Variants in SPECC1 observed in about 807,000 individuals in gnomAD.
SPECC1 encodes the protein sperm antigen with calponin homology and coiled-coil domains 1.
Under a neutral mutation model 104.1 loss-of-function variants are expected in SPECC1, and 62 were observed. The ratio of observed to expected loss-of-function variants is 0.60; its 90% CI spans 0.49 to 0.74. The LOEUF is 0.74. Ranked by LOEUF, SPECC1 falls within the 30% of genes least tolerant of loss-of-function variation. The pLI, the probability that SPECC1 is intolerant of heterozygous loss-of-function variation, is 0.00. For synonymous variants in SPECC1, 513 were observed against 501.6 expected (o/e 1.02, Z -0.30); for missense variants, 1,306 against 1,310.5 (o/e 1.00, Z 0.05).
intron 3 of SPECC1, among the ~76,000 whole-genome samples, chr17:20,173,272 A>G (rs2034221636): frequency 6.6e-6 from 1 of 152,200 alleles, no homozygotes; most frequent in South Asian, 2.1e-4. Flanking sequence ...GTTTTATTTC[A>G]CGTTTAGGTG....
chr17:20,128,142 A>C (rs1267356947), intron 3 of SPECC1, among the ~76,000 whole-genome samples: 2 of 152,216 alleles, frequency 1.3e-5, no homozygotes, highest in African/African-American at 2.4e-5. Context: ...AGATGCTTGT[A>C]CATTAGTGGA....
intron 3 of SPECC1, among the ~76,000 whole-genome samples, chr17:20,192,491 A>G (rs1597930504): frequency 6.6e-6 from 1 of 151,956 alleles, no homozygotes; most frequent in Middle Eastern, 3.4e-3. Flanking sequence ...TCATAATATC[A>G]CTGTTTTTAG....
In SPECC1 at chr17:20,110,456, C is replaced by T. The variant is rs767316977; in HGVS notation, c.177C>T (p.Leu59=). The T allele has an allele frequency of 1.2e-6, 2 of 1,613,734 alleles. No individual in the cohort carries two copies. Among genetic ancestry groups the T allele is most frequent in the Middle Eastern group, 1.6e-4 (1 of 6,080 alleles). The change falls in exon 3 of 15, where the codon CTC becomes CTT. Residue 59 remains leucine, a synonymous_variant. Coordinates refer to ENST00000395527, the MANE Select transcript of SPECC1 (RefSeq NM_001243439.2). The part of the protein sequence containing the change: ...RLKRASSEDT[L]NKPGSTAASG... ...AGAGGGCCAGCAGTGAGGACACGCT[C>T]AACAAGCCAGGAAGTACCGCTGCAT...
At chr17:20,208,190 T>C (rs2036908275) in intron 4 of SPECC1, among the ~76,000 whole-genome samples, 1 of 152,232 alleles carries the variant, frequency 6.6e-6, no homozygotes, top group African/African-American at 2.4e-5. Context: ...TAACTAGAAG[T>C]ATCAAATACT....
At chr17:20,189,372 C>T (rs942836553) in intron 3 of SPECC1, among the ~76,000 whole-genome samples, 13 of 152,174 alleles carry the variant, frequency 8.5e-5, no homozygotes, top group African/African-American at 1.4e-4. Context: ...TGGGACGAAG[C>T]GCTCCTCCAG....
chr17:20,205,153 G>T lies in SPECC1; in HGVS notation c.1104G>T (p.Leu368Phe). ...AGSSPNSVSELSLASLTEKIQ... is the reference protein window; with the variant it reads ...AGSSPNSVSEFSLASLTEKIQ... ...GTTCCCCAAACAGCGTAAGTGAATT[G>T]TCCCTGGCTTCCCTCACAGAGAAGA... The change falls in exon 4 of 15, where the codon TTG (leucine) becomes TTT (phenylalanine). Residue 368 changes from leucine (L) to phenylalanine (F), a missense_variant. Physicochemically the swap from Leu to Phe is conservative, Grantham distance 22. Transcript: ENST00000395527. 1 of 1,614,076 alleles carries T rather than the reference G, an allele frequency of 6.2e-7. No homozygotes were observed. Among genetic ancestry groups the T allele is most frequent in the Non-Finnish European group, 8.5e-7 (1 of 1,180,002 alleles).
At chr17:20,151,235 G>C (rs2031977395) in intron 3 of SPECC1, among the ~76,000 whole-genome samples, 1 of 152,084 alleles carries the variant, frequency 6.6e-6, no homozygotes, top group Non-Finnish European at 1.5e-5. Context: ...TTCAAATTTT[G>C]AATTTTGATC....
At chr17:20,184,346 CAAACGAAAGGCT>C (rs2035120003) in intron 3 of SPECC1, among the ~76,000 whole-genome samples, 1 of 152,072 alleles carries the variant, frequency 6.6e-6, no homozygotes, top group African/African-American at 2.4e-5. Context: ...GCTGTGATCC[CAAACGAAAGGCT>C]AAGCATGTTT....
intron 2 of SPECC1, among the ~76,000 whole-genome samples, chr17:20,109,438 G>T (rs1272585156): frequency 6.6e-6 from 1 of 152,232 alleles, no homozygotes; most frequent in African/African-American, 2.4e-5. Context: ...GAATTCAGTT[G>T]TGGTTTTTCT....
intron 13 of SPECC1, among the ~76,000 whole-genome samples, chr17:20,302,877 C>CT (rs2041634840): frequency 1.8e-5 from 1 of 55,720 alleles, no homozygotes. Context: ...GTGAGCCCAT[C>CT]TAAAAAAAAA....
intron 4 of SPECC1, among the ~76,000 whole-genome samples, chr17:20,221,349 G>C (rs2151431404): frequency 6.6e-6 from 1 of 152,234 alleles, no homozygotes; most frequent in African/African-American, 2.4e-5. Context: ...CTTGTTACCG[G>C]TCTGTTCAGG....
intron 14 of SPECC1, among the ~76,000 whole-genome samples, chr17:20,308,493 A>G (rs904578254): frequency 6.6e-6 from 1 of 152,162 alleles, no homozygotes; most frequent in Non-Finnish European, 1.5e-5. Context: ...ACCACCATGA[A>G]CAGTGCTATG....
chr17:20,012,305 TA>T (rs1465734643), intron 1 of SPECC1, among the ~76,000 whole-genome samples: 2 of 152,122 alleles, frequency 1.3e-5, no homozygotes, highest in Non-Finnish European at 2.9e-5. Context: ...ATCCTTAACT[TA>T]TTTTTTTTCT....
chr17:20,058,084 C>T (rs746969840), intron 1 of SPECC1, among the ~76,000 whole-genome samples: 1 of 152,028 alleles, frequency 6.6e-6, no homozygotes, highest in South Asian at 2.1e-4. Flanking sequence ...TCAGGCTGTT[C>T]CAGATAATGA....
chr17:20,281,979 G>A (rs1209378215), intron 12 of SPECC1, among the ~76,000 whole-genome samples: 1 of 152,238 alleles, frequency 6.6e-6, no homozygotes, highest in Non-Finnish European at 1.5e-5. Flanking sequence ...GGCTTCGCCT[G>A]CGTTCGGGTG....
chr17:20,085,484 A>T (rs1032066389), intron 1 of SPECC1, among the ~76,000 whole-genome samples: 1 of 152,198 alleles, frequency 6.6e-6, no homozygotes, highest in African/African-American at 2.4e-5. Flanking sequence ...TGACAAGGTA[A>T]TCCCAGGAGC....
At position 20,009,687 on chromosome 17, in the gene SPECC1, G is replaced by A. The variant is rs1054056193; in HGVS notation, c.-22+263G>A. On this transcript the variant is annotated intron_variant, in intron 1 of 14. Transcript: ENST00000395527. The surrounding 1 kb of genome is among the most constrained non-coding windows in gnomAD (Gnocchi z 5.2). ...TGGGACCGGTGCCGCAGGTGGCAGC[G>A]GCAGGTGGCCGCCTCCTCCCCTCCG... 1.3e-5 allele frequency among the ~76,000 whole-genome samples: 2 copies of A among 152,100 alleles called. No homozygotes were observed. The highest frequency in any genetic ancestry group is 2.9e-5 in the Non-Finnish European group (2 of 67,974).
chr17:20,073,588 G>T (rs1395715979), intron 1 of SPECC1: 2 of 152,146 alleles, frequency 1.3e-5, no homozygotes, highest in Non-Finnish European at 2.9e-5. Flanking sequence ...TCTCTGCCCG[G>T]CCCCCTCCGA....
At chr17:20,281,034 C>G (rs1267376602) in intron 12 of SPECC1, among the ~76,000 whole-genome samples, 1 of 152,114 alleles carries the variant, frequency 6.6e-6, no homozygotes, top group Non-Finnish European at 1.5e-5. Context: ...TTGGTTTGTT[C>G]CTCTTTAGAG....
Sources: allele counts gnomAD v4.1 joint callset (sites outside exome capture counted in the v4.1 genomes callset), GRCh38; gene constraint gnomAD v4.1.1; non-coding constraint Gnocchi (gnomAD v3.1); transcripts MANE v1.5; gene names NCBI Gene and HGNC (gene_info 2026-07-23, HGNC 2026-07-21).